The following MACROD2 variants were observed in gnomAD, a reference collection of about 807,000 sequenced individuals.
MACROD2 encodes mono-ADP ribosylhydrolase 2, also known as ADP-ribose glycohydrolase MACROD2.
In MACROD2, 36 loss-of-function variants were observed where a neutral mutation model predicts 70.4. The observed-to-expected ratio is 0.51, with a 90% CI of 0.39 to 0.68. The LOEUF is 0.68. Among genes scored for constraint, MACROD2 ranks in the 30% least tolerant of loss-of-function variants. The pLI is 0.00. For synonymous variants in MACROD2, 172 were observed against 178.8 expected (o/e 0.96, Z 0.30); for missense variants, 496 against 538.4 (o/e 0.92, Z 0.78).
intron 8 of MACROD2, among the ~76,000 whole-genome samples, chr20:15,578,678 G>T (rs418080): frequency 0.16 from 5,352 of 32,572 alleles, 173 homozygotes; most frequent in Middle Eastern, 0.39. Context: ...GGAACAAGGG[G>T]CTCCTAGGGT....
chr20:14,416,090 C>A (rs2083801062), intron 3 of MACROD2, among the ~76,000 whole-genome samples: 1 of 152,056 alleles, frequency 6.6e-6, no homozygotes, highest in South Asian at 2.1e-4. Flanking sequence ...TCCTGAGTAG[C>A]TGGGATTACA....
chr20:15,611,686 CT>C (rs2048972390), intron 8 of MACROD2, among the ~76,000 whole-genome samples: 1 of 151,660 alleles, frequency 6.6e-6, no homozygotes, highest in African/African-American at 2.4e-5. Flanking sequence ...CCCCTCGGCA[CT>C]TACATGCTAA....
At chr20:14,924,217 T>G (rs1472804553) in intron 5 of MACROD2, among the ~76,000 whole-genome samples, 2 of 152,058 alleles carry the variant, frequency 1.3e-5, no homozygotes, top group African/African-American at 2.4e-5. Context: ...TTCCAGCACT[T>G]TGGGAGGCTG....
chr20:15,326,417 G>A (rs545668495), intron 6 of MACROD2, among the ~76,000 whole-genome samples: 12 of 151,884 alleles, frequency 7.9e-5, no homozygotes, highest in Non-Finnish European at 1.8e-4. Flanking sequence ...TAATATAAAA[G>A]ATGTTTTATC....
intron 8 of MACROD2, among the ~76,000 whole-genome samples, chr20:15,795,654 G>A (rs2063666158): frequency 6.6e-6 from 1 of 152,172 alleles, no homozygotes; most frequent in African/African-American, 2.4e-5. Flanking sequence ...GATTTATTAA[G>A]ATATGTGTGG....
intron 5 of MACROD2, among the ~76,000 whole-genome samples, chr20:15,140,301 GGA>G (rs781458455): frequency 2.0e-5 from 3 of 150,818 alleles, no homozygotes; most frequent in Non-Finnish European, 4.4e-5. Context: ...CTGCTTCAAC[GGA>G]GAGAGCCATG....
At position 14,398,050 on chromosome 20, in the gene MACROD2, T is replaced by C. The variant is rs2122826209; in HGVS notation, c.272-95429T>C. On this transcript the variant is annotated intron_variant, in intron 3 of 17. Transcript: ENST00000684519. ...GCCTTCAGGTTCATCCACGTTGCCA[T>C]GGATTTTTCATTTTTTATTGATAAA... 2.0e-5 allele frequency among the ~76,000 whole-genome samples: 3 copies of C among 152,260 alleles called. No individual in the cohort carries two copies. In the East Asian group the frequency reaches 5.8e-4, roughly 29 times the overall value.
chr20:14,270,883 T>G (rs2082187766), intron 3 of MACROD2, among the ~76,000 whole-genome samples: 1 of 152,208 alleles, frequency 6.6e-6, no homozygotes, highest in Non-Finnish European at 1.5e-5. Flanking sequence ...AGAATCTCAC[T>G]GATTGCTAGC....
intron 15 of MACROD2, among the ~76,000 whole-genome samples, chr20:15,990,921 A>G (rs1187937269): frequency 1.3e-5 from 2 of 152,188 alleles, no homozygotes; most frequent in African/African-American, 4.8e-5. Context: ...ACTCTGAAGA[A>G]CCACATTCTT....
chr20:14,037,807 C>G (rs2053335046), intron 2 of MACROD2, among the ~76,000 whole-genome samples: 1 of 151,448 alleles, frequency 6.6e-6, no homozygotes, highest in Admixed American at 6.6e-5. Context: ...TGGTTTGAGC[C>G]CAGAATTTCC....
intron 6 of MACROD2, among the ~76,000 whole-genome samples, chr20:15,361,366 C>T (rs6110579): frequency 0.25 from 37,740 of 152,046 alleles, 5,186 homozygotes; most frequent in East Asian, 0.54. Flanking sequence ...GTCAAGAAAT[C>T]GGTTGGCCAT....
chr20:15,287,437 A>G (rs2077501996), intron 6 of MACROD2, among the ~76,000 whole-genome samples: 1 of 152,250 alleles, frequency 6.6e-6, no homozygotes, highest in Non-Finnish European at 1.5e-5. Context: ...CAAATCTGGT[A>G]ATATTACCAC....
At chr20:15,996,399 A>G (rs1181503390) in intron 15 of MACROD2, among the ~76,000 whole-genome samples, 2 of 152,204 alleles carry the variant, frequency 1.3e-5, no homozygotes, top group Middle Eastern at 3.4e-3. Context: ...AGTTTTTTTG[A>G]AAGAGTTTGA....
intron 8 of MACROD2, among the ~76,000 whole-genome samples, chr20:15,687,027 T>C (rs935359589): frequency 1.3e-5 from 2 of 149,950 alleles, no homozygotes; most frequent in African/African-American, 4.9e-5. Flanking sequence ...TGCATTTTTT[T>C]CCATTCTGTG....
At chr20:15,678,727 A>G (rs980872094) in intron 8 of MACROD2, among the ~76,000 whole-genome samples, 3 of 152,206 alleles carry the variant, frequency 2.0e-5, no homozygotes, top group African/African-American at 7.2e-5. Flanking sequence ...GGCATCCTTT[A>G]TGAGCCTAAC....
At chr20:15,981,411 T>C (rs144222500) in intron 13 of MACROD2, among the ~76,000 whole-genome samples, 1 of 152,288 alleles carries the variant, frequency 6.6e-6, no homozygotes, top group Non-Finnish European at 1.5e-5. Context: ...GTTGTTGTTG[T>C]TTAGCTATGC....
intron 15 of MACROD2, among the ~76,000 whole-genome samples, chr20:16,009,697 C>A (rs1431873934): frequency 1.3e-5 from 2 of 151,872 alleles, no homozygotes; most frequent in African/African-American, 4.8e-5. Context: ...GTGGAGGTTG[C>A]AGTAAGCTGA....
intron 3 of MACROD2, among the ~76,000 whole-genome samples, chr20:14,451,063 AAGG>A (rs1164236943): frequency 1.3e-5 from 2 of 152,102 alleles, no homozygotes; most frequent in Non-Finnish European, 2.9e-5. Flanking sequence ...GATTTGAATG[AAGG>A]AGTTTTTTGG....
At chr20:15,682,908 T>C (rs1261807119) in intron 8 of MACROD2, among the ~76,000 whole-genome samples, 1 of 152,216 alleles carries the variant, frequency 6.6e-6, no homozygotes, top group Non-Finnish European at 1.5e-5. Flanking sequence ...ACATTAGTCA[T>C]CTTTTAGAAA....
Sources: gnomAD v4.1 joint callset for allele counts (sites outside exome capture counted in the v4.1 genomes callset) on GRCh38, gnomAD v4.1.1 for gene constraint, MANE v1.5 for transcripts, NCBI Gene and HGNC (gene_info 2026-07-23, HGNC 2026-07-21) for gene names.